CCDC102B: variants seen among roughly 807,000 people sequenced by gnomAD.
CCDC102B encodes coiled-coil domain-containing protein 102B.
Under a neutral mutation model 57.4 loss-of-function variants are expected in CCDC102B, and 75 were observed. The ratio of observed to expected loss-of-function variants is 1.31; its 90% confidence interval spans 1.08 to 1.58. The LOEUF (loss-of-function observed/expected upper bound fraction) is 1.58. Ranked by LOEUF, CCDC102B falls within the 40% of genes most tolerant of loss-of-function variation. The pLI is 0.00. For missense variants in CCDC102B, 636 were observed against 582.6 expected, an observed-to-expected ratio of 1.09 and a Z score of -0.94; for synonymous variants, 206 against 201.9, an observed-to-expected ratio of 1.02 and a Z score of -0.17.
At chr18:68,852,560 A>C (rs924184873) in intron 4 of CCDC102B, among the ~76,000 whole-genome samples, 1 of 152,222 alleles carries the variant, frequency 6.6e-6, no homozygotes, top group African/African-American at 2.4e-5. Flanking sequence ...GAGTCAACAT[A>C]GCACTTTGGC....
chr18:68,870,213 G>C (rs1376922269), intron 4 of CCDC102B, among the ~76,000 whole-genome samples: 1 of 152,106 alleles, frequency 6.6e-6, no homozygotes, highest in Non-Finnish European at 1.5e-5. Flanking sequence ...GTGGGGGAAA[G>C]GGGAGTGAGA....
intron 5 of CCDC102B, among the ~76,000 whole-genome samples, chr18:68,895,015 C>T (rs1472203208): frequency 6.6e-6 from 1 of 151,888 alleles, no homozygotes; most frequent in Non-Finnish European, 1.5e-5. Flanking sequence ...TACATTTGCT[C>T]TCCTTATATT....
chr18:68,776,585 G>C (rs1214912025), intron 2 of CCDC102B, among the ~76,000 whole-genome samples: 1 of 152,152 alleles, frequency 6.6e-6, no homozygotes, highest in Non-Finnish European at 1.5e-5. Context: ...AATCTCGCAT[G>C]TTCTCACTTA....
At chr18:68,804,864 C>CTTTTTTTTTTTTTTTTT in intron 1 of CCDC102B, among the ~76,000 whole-genome samples, 1 of 140,836 alleles carries the variant, frequency 7.1e-6, no homozygotes, top group Non-Finnish European at 1.6e-5. Flanking sequence ...GGATCAAAAT[C>CTTTTTTTTTTTTTTTTT]TTTTTTTTTT....
intron 2 of CCDC102B, among the ~76,000 whole-genome samples, chr18:68,719,144 G>A (rs959621525): frequency 2.0e-5 from 3 of 151,992 alleles, no homozygotes. Flanking sequence ...GCAAATAAAG[G>A]AATTGAATCA....
intron 6 of CCDC102B, among the ~76,000 whole-genome samples, chr18:68,989,764 T>A (rs7236829): frequency 6.6e-6 from 1 of 152,094 alleles, no homozygotes; most frequent in Non-Finnish European, 1.5e-5. Context: ...TGTGGACTGG[T>A]GCTACTGTTT....
At chr18:68,949,054 T>G (rs1205470752) in intron 6 of CCDC102B, among the ~76,000 whole-genome samples, 1 of 152,106 alleles carries the variant, frequency 6.6e-6, no homozygotes, top group East Asian at 1.9e-4. Context: ...GACAAAGATG[T>G]GGGCTGGGAG....
intron 5 of CCDC102B, among the ~76,000 whole-genome samples, chr18:68,896,447 A>G (rs1327346187): frequency 2.6e-5 from 4 of 151,906 alleles, no homozygotes; most frequent in African/African-American, 9.7e-5. Context: ...GGAAGAGGGC[A>G]GAGGTTGACA....
At chr18:68,879,395 C>G (rs2039589543) in intron 5 of CCDC102B, among the ~76,000 whole-genome samples, 1 of 152,150 alleles carries the variant, frequency 6.6e-6, no homozygotes, top group Non-Finnish European at 1.5e-5. Flanking sequence ...CCACTGCTGG[C>G]TCAGGCAGCC....
rs1375425332 is a variant in CCDC102B, at chr18:69,054,902, G to C, written c.*765G>C. 1.0e-6 allele frequency: 1 copy of C among 985,096 alleles called. No individual in the cohort carries two copies. The highest frequency in any genetic ancestry group is 1.2e-6 in the Non-Finnish European group (1 of 829,898). The allele number at this position is 985,096 out of a possible 1,614,324, so 61.0% of individuals were successfully genotyped here. ...AGCTGTGGTTTCCCTCTGAGTAGTGGGAATAGAGAAAATTAGGAAATTGTG... is the reference window on the plus strand; with the variant it reads ...AGCTGTGGTTTCCCTCTGAGTAGTGCGAATAGAGAAAATTAGGAAATTGTG... On this transcript the variant is annotated 3_prime_UTR_variant, in exon 8 of 8. Transcript: ENST00000360242.
At chr18:68,734,640 T>C (rs983734658) in intron 2 of CCDC102B, 3 of 152,352 alleles carry the variant, frequency 2.0e-5, no homozygotes, top group South Asian at 4.1e-4. Flanking sequence ...TGTTTATTTT[T>C]TTCATATTTT....
rs199665733 is a variant in CCDC102B, at chr18:68,968,289, T to TC, written c.1264-42643dup. On this transcript the variant is annotated intron_variant, in intron 6 of 7. Transcript: ENST00000360242. ...GTCTGACCTTAAAGCACTGGTTTTT[T>TC]CCATTCAGTTGTAGGCAATACTGAG... 6.9e-4 allele frequency among the ~76,000 whole-genome samples: 105 copies of TC among 152,288 alleles called. 1 individual carries two copies. The highest frequency in any genetic ancestry group is 2.4e-3 in the African/African-American group (99 of 41,578).
At chr18:68,840,346 A>G (rs547645879) in intron 3 of CCDC102B, among the ~76,000 whole-genome samples, 70 of 152,140 alleles carry the variant, frequency 4.6e-4, no homozygotes, top group Non-Finnish European at 8.4e-4. Context: ...CCATTCACAA[A>G]TACAGTAAGT....
At chr18:68,791,644 GAGAA>G (rs10597259) in intron 2 of CCDC102B, among the ~76,000 whole-genome samples, 115,225 of 150,798 alleles carry the variant, frequency 0.76, 44,582 homozygotes, top group Non-Finnish European at 0.84. Flanking sequence ...GTGTGTATGT[GAGAA>G]AGAGAGATTT....
At chr18:68,957,557 G>GT (rs33933822) in intron 6 of CCDC102B, among the ~76,000 whole-genome samples, 46,099 of 131,570 alleles carry the variant, frequency 0.35, 9,275 homozygotes, top group Non-Finnish European at 0.44. Flanking sequence ...GATTCTTCCA[G>GT]TTTTTTTTTT....
At chr18:68,876,785 G>C (rs904549665) in intron 5 of CCDC102B, among the ~76,000 whole-genome samples, 2 of 152,092 alleles carry the variant, frequency 1.3e-5, no homozygotes, top group African/African-American at 4.8e-5. Context: ...TATAAAATGA[G>C]ATTTATATGA....
intron 4 of CCDC102B, among the ~76,000 whole-genome samples, chr18:68,848,173 CAAGTAT>C (rs1306687245): frequency 6.6e-6 from 1 of 151,762 alleles, no homozygotes; most frequent in African/African-American, 2.4e-5. Context: ...TATTGTAGCA[CAAGTAT>C]AAGAGTAAAA....
chr18:68,790,001 G>A (rs1299763481), intron 2 of CCDC102B, among the ~76,000 whole-genome samples: 4 of 149,908 alleles, frequency 2.7e-5, no homozygotes, highest in African/African-American at 5.0e-5. Flanking sequence ...TGTACAGATG[G>A]GTTTTTGGTG....
At chr18:68,807,347 C>T (rs2036070196) in intron 1 of CCDC102B, among the ~76,000 whole-genome samples, 1 of 151,992 alleles carries the variant, frequency 6.6e-6, no homozygotes, top group Non-Finnish European at 1.5e-5. Flanking sequence ...ATTCTTAGTA[C>T]TTTTTCTCTT....
Sources: gnomAD v4.1 joint callset for allele counts (sites outside exome capture counted in the v4.1 genomes callset) on GRCh38, gnomAD v4.1.1 for gene constraint, MANE v1.5 for transcripts, NCBI Gene and HGNC (gene_info 2026-07-23, HGNC 2026-07-21) for gene names.